Variants in FBLN1 observed in about 807,000 individuals in gnomAD.
FBLN1 encodes the protein fibulin-1.
In FBLN1, 34 loss-of-function variants were observed where a neutral mutation model predicts 89.7. The observed-to-expected ratio is 0.38, with a 90% CI of 0.29 to 0.50. The LOEUF is 0.50. Among genes scored for constraint, FBLN1 ranks in the 20% least tolerant of loss-of-function variants. The probability of loss-of-function intolerance (pLI) is 0.92; values close to 1 mark genes in which losing one functional copy is unlikely to be tolerated. For synonymous variants in FBLN1, 393 were observed against 391.3 expected (o/e 1.00, Z -0.05); for missense variants, 777 against 988.1 (o/e 0.79, Z 2.86).
At position 45,549,226 on chromosome 22, in the gene FBLN1, A is replaced by AG. The variant is rs2088670832; in HGVS notation, c.1573+487dup. Reference sequence around the variant, plus strand: ...CAGCCCCCTTTTCTACGAATGCTCTAGGGGGCAGTGTGTGTCCCCCAGAGC... The same window carrying AG: ...CAGCCCCCTTTTCTACGAATGCTCTAGGGGGGCAGTGTGTGTCCCCCAGAGC... On this transcript the variant is annotated intron_variant, in intron 13 of 16. Transcript: ENST00000327858. The surrounding 1 kb of genome is among the most constrained non-coding windows in gnomAD (Gnocchi z 5.7). Among the ~76,000 whole-genome samples, 5 of 152,160 alleles carry AG rather than the reference A, an allele frequency of 3.3e-5. No individual in the cohort carries two copies. Among genetic ancestry groups the AG allele is most frequent in the Admixed American group, 3.3e-4 (5 of 15,286 alleles).
rs563418965 is a variant in FBLN1, at chr22:45,549,567, G to T, written c.1573+823G>T. ...GGCTGGTTGTGTCTGCATTTCTGAC[G>T]GAGCAAATGACTTTTCTCCTGGCCA... On this transcript the variant is annotated intron_variant, in intron 13 of 16. Coordinates refer to ENST00000327858, the MANE Select transcript of FBLN1 (RefSeq NM_006486.3). The surrounding 1 kb of genome is among the most constrained non-coding windows in gnomAD (Gnocchi z 5.7). 1.3e-5 allele frequency among the ~76,000 whole-genome samples: 2 copies of T among 152,204 alleles called. No homozygotes were observed. The highest frequency in any genetic ancestry group is 4.8e-5 in the African/African-American group (2 of 41,436).
At chr22:45,568,089 T>C (rs115877433) in intron 14 of FBLN1, among the ~76,000 whole-genome samples, 2,103 of 152,182 alleles carry the variant, frequency 0.014, 50 homozygotes, top group African/African-American at 0.048. Flanking sequence ...AAAGAGACCA[T>C]AGAGACTGTG....
At chr22:45,547,552 T>C (rs754968458) in intron 12 of FBLN1, among the ~76,000 whole-genome samples, 2 of 151,860 alleles carry the variant, frequency 1.3e-5, no homozygotes, top group Non-Finnish European at 2.9e-5. Context: ...TATACCACCA[T>C]GCCTGGCTAA....
In FBLN1 at chr22:45,511,798, T is replaced by A. The variant is rs560102557; in HGVS notation, c.80-6884T>A. Among the ~76,000 whole-genome samples, 3 of 152,258 alleles carry A rather than the reference T, an allele frequency of 2.0e-5. No individual in the cohort carries two copies. The East Asian group carries it at 5.8e-4, about 29-fold the overall frequency. The stretch of plus-strand genomic sequence containing the variant: ...GGAAGTGAGCCTCCTTGAGTCTTAG[T>A]AAGGGAGGGAGCTGGATTCAAGGCT... On this transcript the variant is annotated intron_variant, in intron 1 of 16. Transcript: ENST00000327858.
chr22:45,521,111 C>T (rs1454859876), intron 2 of FBLN1, among the ~76,000 whole-genome samples: 6 of 152,292 alleles, frequency 3.9e-5, no homozygotes, highest in South Asian at 4.1e-4. Context: ...CCACTGCGCC[C>T]GGCCAATTTT....
chr22:45,595,302 A>T (rs1045803651), intron 16 of FBLN1, among the ~76,000 whole-genome samples: 1 of 152,160 alleles, frequency 6.6e-6, no homozygotes, highest in African/African-American at 2.4e-5. Context: ...CGGATTTGGA[A>T]GGTCAGGAAG....
Position 45,562,793 on chromosome 22 carries a change from G to T in FBLN1, c.1698-11718G>T, listed in dbSNP as rs151132414. 1.5e-5 allele frequency: 15 copies of T among 978,568 alleles called. 1 individual carries two copies. The highest frequency in any genetic ancestry group is 6.4e-5 in the South Asian group (5 of 77,900). The allele number at this position is 978,568 out of a possible 1,614,324, so 60.6% of individuals were successfully genotyped here. A position where few individuals can be genotyped will look rare whatever the true frequency, so the allele number is the denominator to read the frequency against. The stretch of plus-strand genomic sequence containing the variant: ...GTGTGCCCTTCGTGTTGGCTGAATC[G>T]GCCAGAGGGGCGGCGGGAGGCCCCG... On this transcript the variant is annotated intron_variant, in intron 14 of 16. Coordinates refer to ENST00000327858, the MANE Select transcript of FBLN1 (RefSeq NM_006486.3). The surrounding 1 kb of genome is among the most constrained non-coding windows in gnomAD (Gnocchi z 7.8).
chr22:45,568,253 G>A (rs760661850), intron 14 of FBLN1, among the ~76,000 whole-genome samples: 3 of 152,356 alleles, frequency 2.0e-5, no homozygotes, highest in Non-Finnish European at 2.9e-5. Flanking sequence ...CAAATTCCAT[G>A]GATGAGTTTC....
Position 45,542,142 on chromosome 22 carries a change from T to C in FBLN1, c.1067-13T>C. 2 of 1,614,162 alleles carry C rather than the reference T, an allele frequency of 1.2e-6. No homozygotes were observed. Among genetic ancestry groups the C allele is most frequent in the South Asian group, 1.1e-5 (1 of 91,082 alleles). On this transcript the variant is annotated splice_polypyrimidine_tract_variant and intron_variant, in intron 9 of 16. Transcript: ENST00000327858. ...TAAAGGTTTTCATCATGGCTTTCTT[T>C]CTCCTTTGCAAGATGTGGACGAGTG...
intron 1 of FBLN1, among the ~76,000 whole-genome samples, chr22:45,509,678 G>T (rs941241401): frequency 2.6e-5 from 4 of 152,126 alleles, no homozygotes; most frequent in African/African-American, 9.7e-5. Context: ...CAGGCGTGGT[G>T]GTAGGCGCCT....
chr22:45,597,591 C>T lies in FBLN1; in HGVS notation c.1973-2716C>T, dbSNP rs750815296. Among the ~76,000 whole-genome samples, 8 of 152,198 alleles carry T rather than the reference C, an allele frequency of 5.3e-5. No individual in the cohort carries two copies. Among genetic ancestry groups the T allele is most frequent in the Non-Finnish European group, 1.2e-4 (8 of 68,030 alleles). ...GTAAGCCCACACTGACCCTGGTGGG[C>T]AGACCCAGCCCAGGGAGGGGCAGGC... On this transcript the variant is annotated intron_variant, in intron 16 of 16. Coordinates refer to ENST00000327858, the MANE Select transcript of FBLN1 (RefSeq NM_006486.3). This position sits in a 1 kb window ranked among gnomAD's most constrained non-coding sequence, Gnocchi z 4.2.
At chr22:45,505,126 C>G (rs1358939282) in intron 1 of FBLN1, among the ~76,000 whole-genome samples, 2 of 152,190 alleles carry the variant, frequency 1.3e-5, no homozygotes, top group Admixed American at 1.3e-4. Context: ...GCCAAACGGC[C>G]GAGAGGAGCC....
intron 11 of FBLN1, among the ~76,000 whole-genome samples, chr22:45,544,916 C>T (rs141770950): frequency 2.6e-5 from 4 of 152,346 alleles, no homozygotes; most frequent in Non-Finnish European, 5.9e-5. Context: ...AGGTTCTGAG[C>T]TGAGCAGACA....
chr22:45,505,328 C>G (rs2088004080), intron 1 of FBLN1, among the ~76,000 whole-genome samples: 1 of 152,214 alleles, frequency 6.6e-6, no homozygotes, highest in Admixed American at 6.5e-5. Context: ...CCAGGGAGGA[C>G]TTGGCTTGAA....
intron 16 of FBLN1, among the ~76,000 whole-genome samples, chr22:45,599,223 TG>T (rs1310331993): frequency 5.4e-4 from 83 of 152,332 alleles, no homozygotes; most frequent in African/African-American, 1.8e-3. Flanking sequence ...CAGAGCTCCC[TG>T]CAACCCCCAG....
In FBLN1 at chr22:45,580,143, G is replaced by C. The variant is rs962105124; in HGVS notation, c.1972+3035G>C. On this transcript the variant is annotated intron_variant, in intron 16 of 16. Coordinates refer to ENST00000327858, the MANE Select transcript of FBLN1 (RefSeq NM_006486.3). This position sits in a 1 kb window ranked among gnomAD's most constrained non-coding sequence, Gnocchi z 8.6. ...TGCAACTGAAAAACTGCAGGGCCTG[G>C]GATGTTTTCCGACTTGTTTTTAGCA... Among the ~76,000 whole-genome samples, 2 of 152,112 alleles carry C rather than the reference G, an allele frequency of 1.3e-5. No individual in the cohort carries two copies. The highest frequency in any genetic ancestry group is 1.5e-5 in the Non-Finnish European group (1 of 68,036).
chr22:45,549,126 C>T lies in FBLN1; in HGVS notation c.1573+382C>T, dbSNP rs555051249. Among the ~76,000 whole-genome samples, 2 of 152,324 alleles carry T rather than the reference C, an allele frequency of 1.3e-5. No individual in the cohort carries two copies. Among genetic ancestry groups the T allele is most frequent in the East Asian group, 3.9e-4 (2 of 5,184 alleles). On this transcript the variant is annotated intron_variant, in intron 13 of 16. Transcript: ENST00000327858. The surrounding 1 kb of genome is among the most constrained non-coding windows in gnomAD (Gnocchi z 5.7). The stretch of plus-strand genomic sequence containing the variant: ...ATGGCGTGGCCTGGTGTGGGATGGC[C>T]CAGGGATACTCATGGCTATGGGTCA...
intron 16 of FBLN1, among the ~76,000 whole-genome samples, chr22:45,586,837 G>T (rs1442956774): frequency 6.6e-6 from 1 of 152,174 alleles, no homozygotes; most frequent in Non-Finnish European, 1.5e-5. Flanking sequence ...CCCAGGCAGG[G>T]TGGGGTCCTA....
At chr22:45,525,439 A>C (rs1569239515) in intron 2 of FBLN1, 104 bp from the exon 3 acceptor site, 1 of 997,332 alleles carries the variant, frequency 1.0e-6, no homozygotes, top group East Asian at 2.6e-5. Context: ...CTGTGGGAGC[A>C]GGGAAGGGGA....
Sources: gnomAD v4.1 joint callset for allele counts (sites outside exome capture counted in the v4.1 genomes callset) on GRCh38, gnomAD v4.1.1 for gene constraint, Gnocchi (gnomAD v3.1) non-coding constraint, MANE v1.5 for transcripts, NCBI Gene and HGNC (gene_info 2026-07-23, HGNC 2026-07-21) for gene names.